The following EXOSC4 variants were observed in gnomAD, a reference collection of about 807,000 sequenced individuals.
The protein encoded by EXOSC4 is exosome component 4.
Under a neutral mutation model 20.0 loss-of-function variants are expected in EXOSC4, and 14 were observed. The ratio of observed to expected loss-of-function variants is 0.70; its 90% CI spans 0.46 to 1.09. The LOEUF (loss-of-function observed/expected upper bound fraction) is 1.09, where lower values mean the gene tolerates loss of function less well. Among genes scored for constraint, EXOSC4 ranks in the 50% least tolerant of loss-of-function variants. The pLI is 0.00. For synonymous variants in EXOSC4, 148 were observed against 146.4 expected (o/e 1.01, Z -0.08); for missense variants, 337 against 334.0 (o/e 1.01, Z -0.07).
the EXOSC4 span, among the ~76,000 whole-genome samples, chr8:144,068,127 T>C: frequency 6.6e-6 from 1 of 152,192 alleles, no homozygotes; most frequent in Admixed American, 6.5e-5. Context: ...TTTTTGAACA[T>C]GAGTCCCATG....
At chr8:144,071,599 A>G in the EXOSC4 span, among the ~76,000 whole-genome samples, 1 of 151,446 alleles carries the variant, frequency 6.6e-6, no homozygotes, top group East Asian at 2.0e-4. Flanking sequence ...CCCAGCCTAA[A>G]GTGTCCAGTT....
At chr8:144,069,469 A>G in the EXOSC4 span, among the ~76,000 whole-genome samples, 1 of 152,168 alleles carries the variant, frequency 6.6e-6, no homozygotes, top group South Asian at 2.1e-4. Context: ...TTGCAGCCAC[A>G]TCACTCTGAT....
In EXOSC4 at chr8:144,080,047, G is replaced by T; in HGVS notation, c.276G>T (p.Gly92=). 6.2e-7 allele frequency: 1 copy of T among 1,614,088 alleles called. No individual in the cohort carries two copies. The highest frequency in any genetic ancestry group is 1.7e-5 in the Admixed American group (1 of 60,028). ...STGERKRRPH[G]DRKSCEMGLQ... ...GTGAGCGCAAGCGACGGCCACATGG[G>T]GACCGTAAGTCCTGTGAGATGGGCC... is the stretch of plus-strand genomic sequence containing the variant. Residue 92 remains glycine (G), a synonymous_variant, in exon 2 of 3, where the codon GGG becomes GGT. Coordinates refer to ENST00000316052, the MANE Select transcript of EXOSC4 (RefSeq NM_019037.3). The surrounding 1 kb of genome is among the most constrained non-coding windows in gnomAD (Gnocchi z 4.9).
At chr8:144,067,513 T>G in the EXOSC4 span, among the ~76,000 whole-genome samples, 1 of 152,072 alleles carries the variant, frequency 6.6e-6, no homozygotes, top group Non-Finnish European at 1.5e-5. Context: ...AAGAGAAAGC[T>G]TTGAAAGTTA....
the EXOSC4 span, among the ~76,000 whole-genome samples, chr8:144,064,379 C>T: frequency 3.3e-5 from 5 of 152,240 alleles, no homozygotes; most frequent in Non-Finnish European, 4.4e-5. Flanking sequence ...TCACGGTTGG[C>T]ACAGCTTCTG....
At chr8:144,076,831 C>T (rs943959361), upstream of EXOSC4, among the ~76,000 whole-genome samples, 5 of 152,186 alleles carry the variant, frequency 3.3e-5, no homozygotes, top group East Asian at 9.6e-4. Flanking sequence ...GGCGGGAGGC[C>T]GAGGCAGGTG....
At chr8:144,065,598 G>A in the EXOSC4 span, among the ~76,000 whole-genome samples, 5 of 151,780 alleles carry the variant, frequency 3.3e-5, no homozygotes, top group South Asian at 2.1e-4. Flanking sequence ...AGCTGGCCGC[G>A]ATGGCAGGCA....
upstream of EXOSC4, among the ~76,000 whole-genome samples, chr8:144,077,399 G>C (rs1428904399): frequency 1.3e-5 from 2 of 152,222 alleles, no homozygotes; most frequent in African/African-American, 4.8e-5. Context: ...AAGTGGCAGA[G>C]GGTGGTGACC....
At position 144,080,566 on chromosome 8, in the gene EXOSC4, C is replaced by T; in HGVS notation, c.703C>T (p.His235Tyr). The change falls in exon 3 of 3, where the codon CAT becomes TAT. Residue 235 changes from histidine to tyrosine, a missense_variant. His to Tyr is a moderately conservative substitution (Grantham distance 83). Coordinates refer to ENST00000316052, the MANE Select transcript of EXOSC4 (RefSeq NM_019037.3). This position sits in a 1 kb window ranked among gnomAD's most constrained non-coding sequence, Gnocchi z 4.9. ...HTLLDRVVRQ[H>Y]VREASILLGD ...CCTCTTAGATCGAGTGGTCCGGCAG[C>T]ATGTGCGTGAGGCCTCTATCTTGCT... 6 of 1,599,890 alleles carry T rather than the reference C, an allele frequency of 3.8e-6. No individual in the cohort carries two copies. The highest frequency in any genetic ancestry group is 5.1e-6 in the Non-Finnish European group (6 of 1,179,902).
chr8:144,064,464 AACCAGGGCAG>A, the EXOSC4 span, among the ~76,000 whole-genome samples: 2 of 152,258 alleles, frequency 1.3e-5, no homozygotes, highest in Non-Finnish European at 2.9e-5. Context: ...GGACAGCAGC[AACCAGGGCAG>A]GCCAGGGCTA....
the EXOSC4 span, among the ~76,000 whole-genome samples, chr8:144,069,006 G>C: frequency 6.6e-6 from 1 of 152,264 alleles, no homozygotes; most frequent in Non-Finnish European, 1.5e-5. Context: ...GTGTGGGAAA[G>C]TCACGCCTAA....
At chr8:144,065,594 C>T in the EXOSC4 span, among the ~76,000 whole-genome samples, 2 of 151,674 alleles carry the variant, frequency 1.3e-5, no homozygotes, top group Admixed American at 6.6e-5. Context: ...AATTAGCTGG[C>T]CGCGATGGCA....
chr8:144,075,561 T>C (rs2129912445), upstream of EXOSC4, among the ~76,000 whole-genome samples: 1 of 152,034 alleles, frequency 6.6e-6, no homozygotes, highest in Admixed American at 6.5e-5. Flanking sequence ...TTTGTAGAGA[T>C]GGGGTTTTGC....
chr8:144,079,130 C>A (rs564210822), intron 1 of EXOSC4: 2 of 434,062 alleles, frequency 4.6e-6, no homozygotes, highest in Non-Finnish European at 7.9e-6. Flanking sequence ...CTTTGCGGCT[C>A]TTCAACGTGC....
At chr8:144,064,596 GGGGGCACA>G in the EXOSC4 span, among the ~76,000 whole-genome samples, 1 of 152,208 alleles carries the variant, frequency 6.6e-6, no homozygotes. Flanking sequence ...GCCTGTTTCT[GGGGGCACA>G]GGGCCTTGGC....
chr8:144,073,268 C>A, the EXOSC4 span, among the ~76,000 whole-genome samples: 2 of 152,234 alleles, frequency 1.3e-5, no homozygotes, highest in East Asian at 3.9e-4. Flanking sequence ...CGCCTGTAAT[C>A]CTAGCTACTT....
At chr8:144,070,841 A>AT in the EXOSC4 span, among the ~76,000 whole-genome samples, 8 of 150,942 alleles carry the variant, frequency 5.3e-5, no homozygotes, top group East Asian at 3.9e-4. Flanking sequence ...AAAAAAAAAA[A>AT]TTTTTTTTTC....
upstream of EXOSC4, among the ~76,000 whole-genome samples, chr8:144,075,843 TTA>T (rs1251772330): frequency 1.3e-5 from 2 of 152,234 alleles, no homozygotes; most frequent in African/African-American, 4.8e-5. Context: ...AAAATGTTTG[TTA>T]TGTGTTGGGA....
At chr8:144,066,858 C>A in the EXOSC4 span, among the ~76,000 whole-genome samples, 1 of 152,010 alleles carries the variant, frequency 6.6e-6, no homozygotes, top group Non-Finnish European at 1.5e-5. Flanking sequence ...GAAGCCGAGG[C>A]GGGCGGATCA....
Sources: allele counts gnomAD v4.1 joint callset (sites outside exome capture counted in the v4.1 genomes callset), GRCh38; gene constraint gnomAD v4.1.1; non-coding constraint Gnocchi (gnomAD v3.1); transcripts MANE v1.5; gene names NCBI Gene and HGNC (gene_info 2026-07-23, HGNC 2026-07-21).